The following SGCE variants were observed in gnomAD, a reference collection of about 807,000 sequenced individuals.
SGCE encodes the protein epsilon-sarcoglycan.
SGCE carries 26 observed loss-of-function variants against 57.8 expected under a neutral mutation model. The observed-to-expected ratio is 0.45, with a 90% CI of 0.33 to 0.62. The LOEUF is 0.62. Ranked by LOEUF, SGCE falls within the 20% of genes least tolerant of loss-of-function variation. The pLI is 0.02. For missense variants in SGCE, 468 were observed against 548.6 expected (o/e 0.85, Z 1.47); for synonymous variants, 183 against 189.5 (o/e 0.97, Z 0.28).
chr7:94,597,312 T>C (rs1798544598), intron 9 of SGCE: 1 of 152,226 alleles, frequency 6.6e-6, no homozygotes, highest in Non-Finnish European at 1.5e-5. Flanking sequence ...CCCTAAGTGA[T>C]GTTAGAGAAC....
chr7:94,628,008 G>A (rs1804009471), intron 3 of SGCE, 194 bp downstream of exon 3: 5 of 522,774 alleles, frequency 9.6e-6, no homozygotes, highest in Non-Finnish European at 1.7e-5. Flanking sequence ...TATAAAAGCT[G>A]AAACAAAAAC....
intron 1 of SGCE, among the ~76,000 whole-genome samples, chr7:94,636,460 T>C (rs1377559930): frequency 1.3e-5 from 2 of 152,190 alleles, no homozygotes; most frequent in Admixed American, 6.5e-5. Flanking sequence ...GTCCATTTTA[T>C]AGATAACAAA....
intron 5 of SGCE, among the ~76,000 whole-genome samples, chr7:94,612,586 A>G (rs1801206900): frequency 6.6e-6 from 1 of 152,152 alleles, no homozygotes; most frequent in South Asian, 2.1e-4. Flanking sequence ...CAATTTTTTG[A>G]AGTTATAAAT....
At chr7:94,644,780 C>A (rs1297095721) in intron 1 of SGCE, 1 of 268,690 alleles carries the variant, frequency 3.7e-6, no homozygotes, top group East Asian at 1.4e-4. Flanking sequence ...TGCTCCCTGA[C>A]CCTCTACATT....
intron 1 of SGCE, among the ~76,000 whole-genome samples, chr7:94,652,238 T>A (rs1194505852): frequency 6.6e-6 from 1 of 152,156 alleles, no homozygotes. Context: ...CTAGAGTCAT[T>A]TTTTTACACT....
intron 1 of SGCE, among the ~76,000 whole-genome samples, chr7:94,649,016 T>C (rs755722457): frequency 6.6e-6 from 1 of 152,222 alleles, no homozygotes; most frequent in Admixed American, 6.5e-5. Context: ...CTAACTCCTA[T>C]ACATTTTTTA....
intron 2 of SGCE, 177 bp from the exon 3 acceptor site, chr7:94,628,536 T>C: frequency 1.7e-6 from 1 of 573,218 alleles, no homozygotes; most frequent in Non-Finnish European, 3.1e-6. Context: ...AAAAAAATCC[T>C]TTTGGTTGTT....
chr7:94,604,583 T>A (rs1799753482), intron 5 of SGCE, among the ~76,000 whole-genome samples: 1 of 150,414 alleles, frequency 6.6e-6, no homozygotes, highest in South Asian at 2.1e-4. Context: ...AAATAAACTC[T>A]CACATTTAAT....
chr7:94,632,680 C>T (rs1038971580), intron 1 of SGCE, among the ~76,000 whole-genome samples: 5 of 152,082 alleles, frequency 3.3e-5, no homozygotes, highest in Admixed American at 2.6e-4. Flanking sequence ...AAATTACAGG[C>T]ACCCACACAA....
At chr7:94,587,895 T>C in intron 10 of SGCE, 7 of 1,495,890 alleles carry the variant, frequency 4.7e-6, no homozygotes, top group Non-Finnish European at 6.2e-6. Context: ...CTGAAGTTTT[T>C]AAGAGACTTA....
intron 1 of SGCE, chr7:94,639,262 T>A: frequency 3.3e-6 from 3 of 909,564 alleles, no homozygotes; most frequent in Non-Finnish European, 4.9e-6. Flanking sequence ...CACACATGAC[T>A]AAAAAAGGGA....
intron 9 of SGCE, among the ~76,000 whole-genome samples, chr7:94,595,487 T>C (rs1016894867): frequency 2.0e-5 from 3 of 152,148 alleles, no homozygotes; most frequent in Admixed American, 2.0e-4. Context: ...TTAGTATGAA[T>C]GTGAAGATGA....
At chr7:94,634,726 C>T (rs762919261) in intron 1 of SGCE, among the ~76,000 whole-genome samples, 7 of 152,118 alleles carry the variant, frequency 4.6e-5, no homozygotes, top group South Asian at 2.1e-4. Context: ...TCTTTTGTGG[C>T]GTATTTCCTA....
chr7:94,632,191 C>T (rs1340246103), intron 1 of SGCE, among the ~76,000 whole-genome samples: 2 of 151,848 alleles, frequency 1.3e-5, no homozygotes, highest in African/African-American at 4.8e-5. Flanking sequence ...AGCTAGCTAA[C>T]AAAGCAAAAT....
intron 1 of SGCE, among the ~76,000 whole-genome samples, chr7:94,646,415 A>G (rs142470215): frequency 6.6e-6 from 1 of 152,334 alleles, no homozygotes; most frequent in Non-Finnish European, 1.5e-5. Flanking sequence ...CTTTGCTCAA[A>G]TAGCCTGAGA....
At chr7:94,597,845 A>G (rs1798629563) in intron 9 of SGCE, 2 of 152,158 alleles carry the variant, frequency 1.3e-5, no homozygotes, top group Non-Finnish European at 2.9e-5. Flanking sequence ...CATCCCTACT[A>G]AAAATACAAA....
Position 94,644,063 on chromosome 7 carries a change from C to T in SGCE, c.109+11927G>A, listed in dbSNP as rs1344900144. Among the ~76,000 whole-genome samples the T allele has an allele frequency of 2.6e-5, 4 of 152,320 alleles. No individual in the cohort carries two copies. In the East Asian group the frequency reaches 5.8e-4, roughly 22 times the overall value. ...ACCAGGTTCATGGTAATCTACATTA[C>T]AATTATATCTGGGTGTGAGTTTTAC... On this transcript the variant is annotated intron_variant, in intron 1 of 10. Coordinates refer to ENST00000648936, the MANE Select transcript of SGCE (RefSeq NM_003919.3).
intron 5 of SGCE, among the ~76,000 whole-genome samples, chr7:94,605,577 C>T (rs1799991716): frequency 6.6e-6 from 1 of 151,864 alleles, no homozygotes; most frequent in Non-Finnish European, 1.5e-5. Flanking sequence ...CCTGCAATAC[C>T]TAGGAAGTAG....
intron 1 of SGCE, among the ~76,000 whole-genome samples, chr7:94,635,894 C>T (rs1374109198): frequency 6.6e-6 from 1 of 152,156 alleles, no homozygotes; most frequent in Non-Finnish European, 1.5e-5. Context: ...CATCAAAGTA[C>T]TGCAGGCCAT....
Sources: gnomAD v4.1 joint callset for allele counts (sites outside exome capture counted in the v4.1 genomes callset) on GRCh38, gnomAD v4.1.1 for gene constraint, MANE v1.5 for transcripts, NCBI Gene and HGNC (gene_info 2026-07-23, HGNC 2026-07-21) for gene names.